Variants in GSAP observed in about 807,000 individuals in gnomAD.
GSAP encodes gamma-secretase activating protein, also known as gamma-secretase-activating protein.
Under a neutral mutation model 131.7 loss-of-function variants are expected in GSAP, and 118 were observed. That is an observed-to-expected ratio of 0.90 (90% CI 0.77 to 1.04). The LOEUF (loss-of-function observed/expected upper bound fraction) is 1.04. Among genes scored for constraint, GSAP ranks in the 50% least tolerant of loss-of-function variants. GSAP has a pLI of 0.00. For synonymous variants in GSAP, 381 were observed against 363.4 expected (o/e 1.05, Z -0.55); for missense variants, 1,019 against 1,013.2 (o/e 1.01, Z -0.08).
intron 6 of GSAP, among the ~76,000 whole-genome samples, chr7:77,383,178 C>G (rs1298028253): frequency 6.6e-6 from 1 of 152,102 alleles, no homozygotes; most frequent in Non-Finnish European, 1.5e-5. Flanking sequence ...TAGAGCAAGA[C>G]TCTGTCTAAA....
chr7:77,393,832 C>T (rs779683490), intron 5 of GSAP, among the ~76,000 whole-genome samples: 4 of 152,008 alleles, frequency 2.6e-5, no homozygotes, highest in Non-Finnish European at 4.4e-5. Flanking sequence ...TGCCACCACA[C>T]CCGGCTAATT....
At chr7:77,413,857 G>GTTT (rs75886240) in intron 1 of GSAP, among the ~76,000 whole-genome samples, 24,477 of 150,302 alleles carry the variant, frequency 0.16, 3,060 homozygotes, top group East Asian at 0.42. Context: ...TACTTCGGTG[G>GTTT]TTTTTTTCTT....
At chr7:77,379,091 C>T (rs972714742) in intron 8 of GSAP, among the ~76,000 whole-genome samples, 2 of 152,094 alleles carry the variant, frequency 1.3e-5, no homozygotes, top group South Asian at 2.1e-4. Flanking sequence ...TCCAAGAGGA[C>T]CTGTCTGTCT....
intron 12 of GSAP, among the ~76,000 whole-genome samples, chr7:77,367,862 A>G (rs897851562): frequency 6.6e-6 from 1 of 152,194 alleles, no homozygotes; most frequent in African/African-American, 2.4e-5. Context: ...GTTATATATT[A>G]CTGATTCAAT....
At chr7:77,408,689 C>CAAAAAAAAAAAAAA (rs749202124) in intron 1 of GSAP, among the ~76,000 whole-genome samples, 1 of 67,026 alleles carries the variant, frequency 1.5e-5, no homozygotes, top group Non-Finnish European at 2.8e-5. Flanking sequence ...ACTCTGCCTC[C>CAAAAAAAAAAAAAA]AAAAAAAAAA....
intron 14 of GSAP, among the ~76,000 whole-genome samples, chr7:77,358,642 T>C (rs897287813): frequency 6.6e-6 from 1 of 152,350 alleles, no homozygotes; most frequent in East Asian, 1.9e-4. Context: ...AATCAAATTC[T>C]ATGAATAAAT....
chr7:77,400,014 CAT>C (rs1801056692), intron 3 of GSAP, among the ~76,000 whole-genome samples: 1 of 152,126 alleles, frequency 6.6e-6, no homozygotes, highest in Admixed American at 6.5e-5. Flanking sequence ...AAAGAGGAAA[CAT>C]AGCAAGAGAG....
chr7:77,315,173 G>A (rs1373512143), intron 26 of GSAP: 2 of 152,218 alleles, frequency 1.3e-5, no homozygotes, highest in Non-Finnish European at 2.9e-5. Context: ...CAGCTCTCTT[G>A]GAAGTGATGG....
intron 19 of GSAP, among the ~76,000 whole-genome samples, chr7:77,348,086 T>C (rs1366341800): frequency 6.6e-6 from 1 of 152,012 alleles, no homozygotes; most frequent in Non-Finnish European, 1.5e-5. Flanking sequence ...GGAGGATTGC[T>C]TGAGCCCAGG....
chr7:77,377,517 G>A, intron 8 of GSAP, 127 bp from the exon 9 acceptor site: 1 of 1,159,074 alleles, frequency 8.6e-7, no homozygotes, highest in Non-Finnish European at 1.1e-6. Flanking sequence ...ACAGTTCACT[G>A]TTAGAAGCTC....
chr7:77,391,139 A>AG (rs1376505037), intron 5 of GSAP, among the ~76,000 whole-genome samples: 4 of 142,502 alleles, frequency 2.8e-5, no homozygotes, highest in Non-Finnish European at 4.6e-5. Flanking sequence ...AAAAAAAAAA[A>AG]AAAAAAAAGA....
At chr7:77,339,640 GA>G (rs1562972805) in intron 19 of GSAP, among the ~76,000 whole-genome samples, 1 of 149,652 alleles carries the variant, frequency 6.7e-6, no homozygotes, top group African/African-American at 2.5e-5. Context: ...GGGTAGAGGA[GA>G]AAAACGTGAG....
intron 5 of GSAP, among the ~76,000 whole-genome samples, chr7:77,393,987 T>C (rs1319645748): frequency 2.0e-5 from 3 of 152,204 alleles, no homozygotes; most frequent in African/African-American, 4.8e-5. Flanking sequence ...CAGCCAATCT[T>C]GACAAGTCGA....
intron 19 of GSAP, among the ~76,000 whole-genome samples, chr7:77,345,526 A>G (rs1448257027): frequency 6.6e-6 from 1 of 152,218 alleles, no homozygotes; most frequent in African/African-American, 2.4e-5. Flanking sequence ...GGCCTGAAGG[A>G]AGTGAAGAAT....
At chr7:77,390,079 CT>C (rs1456718780) in intron 5 of GSAP, among the ~76,000 whole-genome samples, 1 of 152,188 alleles carries the variant, frequency 6.6e-6, no homozygotes, top group Non-Finnish European at 1.5e-5. Context: ...GAATAAATGT[CT>C]TCTTTTGAGA....
rs56739649 is a variant in GSAP at position 77,402,593 on chromosome 7, C to CAAAAAAAAAAAAAAAA, written c.243+1950_243+1965dup. Among the ~76,000 whole-genome samples, 13 of 24,762 alleles carry CAAAAAAAAAAAAAAAA rather than the reference C, an allele frequency of 5.2e-4. 1 individual carries two copies. The highest frequency in any genetic ancestry group is 2.2e-3 in the East Asian group (2 of 930). 16.2% of individuals were successfully genotyped at this position (24,762 alleles called of 152,430 possible). ...CTGGCAATAGAGTGAGACTCTGTCTCAAAAAAAAAAAAAAAAAAAAAAAGA... is the reference window on the plus strand; with the variant it reads ...CTGGCAATAGAGTGAGACTCTGTCTCAAAAAAAAAAAAAAAAAAAAAAAAAAAAAAAAAAAAAAAGA... On this transcript the variant is annotated intron_variant, in intron 3 of 30. Transcript: ENST00000257626.
intron 19 of GSAP, among the ~76,000 whole-genome samples, chr7:77,341,270 C>T (rs960243162): frequency 1.3e-5 from 2 of 152,108 alleles, no homozygotes; most frequent in Admixed American, 1.3e-4. Context: ...TCAGTCTCCA[C>T]CCCAAGCTCT....
At chr7:77,400,016 T>C (rs1263354719) in intron 3 of GSAP, among the ~76,000 whole-genome samples, 1 of 151,986 alleles carries the variant, frequency 6.6e-6, no homozygotes, top group African/African-American at 2.4e-5. Context: ...AGAGGAAACA[T>C]AGCAAGAGAG....
intron 8 of GSAP, among the ~76,000 whole-genome samples, chr7:77,378,480 T>C (rs1045752642): frequency 6.7e-6 from 1 of 148,332 alleles, no homozygotes; most frequent in Non-Finnish European, 1.5e-5. Flanking sequence ...CAAGAGTCCA[T>C]CTCAAAAAAA....
Sources: gnomAD v4.1 joint callset for allele counts (sites outside exome capture counted in the v4.1 genomes callset) on GRCh38, gnomAD v4.1.1 for gene constraint, MANE v1.5 for transcripts, NCBI Gene and HGNC (gene_info 2026-07-23, HGNC 2026-07-21) for gene names.